AKAP13: variants seen among roughly 807,000 people sequenced by gnomAD.
AKAP13 encodes the protein A-kinase anchoring protein 13.
AKAP13 carries 80 observed loss-of-function variants against 264.5 expected under a neutral mutation model. That is an observed-to-expected ratio of 0.30 (90% CI 0.25 to 0.36). The LOEUF (loss-of-function observed/expected upper bound fraction) is 0.36. Among genes scored for constraint, AKAP13 ranks in the 10% least tolerant of loss-of-function variants. The pLI is 1.00. For missense variants in AKAP13, 3,712 were observed against 3,435.2 expected, an observed-to-expected ratio of 1.08 and a Z score of -2.01; for synonymous variants, 1,380 against 1,250.2, an observed-to-expected ratio of 1.10 and a Z score of -2.19.
intron 1 of AKAP13, among the ~76,000 whole-genome samples, chr15:85,466,713 A>G (rs571622482): frequency 2.6e-5 from 4 of 152,334 alleles, no homozygotes; most frequent in African/African-American, 9.6e-5. Context: ...ATGGGCACAC[A>G]GTACTTTTTA....
intron 1 of AKAP13, among the ~76,000 whole-genome samples, chr15:85,449,425 C>A (rs968084611): frequency 6.6e-6 from 1 of 152,148 alleles, no homozygotes; most frequent in African/African-American, 2.4e-5. Context: ...TTACTTCTTT[C>A]TCTTGCCTGA....
At chr15:85,681,715 A>G (rs2084609862) in intron 14 of AKAP13, among the ~76,000 whole-genome samples, 1 of 112,404 alleles carries the variant, frequency 8.9e-6, no homozygotes, top group Non-Finnish European at 2.2e-5. Flanking sequence ...TGAAAATATT[A>G]GAGATGAGCT....
intron 1 of AKAP13, among the ~76,000 whole-genome samples, chr15:85,440,860 G>A (rs2073614543): frequency 6.6e-6 from 1 of 152,172 alleles, no homozygotes; most frequent in South Asian, 2.1e-4. Context: ...ATGGCTTAGT[G>A]TGGTGGAAAT....
At chr15:85,590,459 G>GT (rs2151329153) in intron 8 of AKAP13, among the ~76,000 whole-genome samples, 1 of 152,224 alleles carries the variant, frequency 6.6e-6, no homozygotes, top group African/African-American at 2.4e-5. Context: ...TCCTTAACCT[G>GT]TTTGACACAT....
At chr15:85,508,165 T>G (rs889801095) in intron 2 of AKAP13, among the ~76,000 whole-genome samples, 1 of 149,982 alleles carries the variant, frequency 6.7e-6, no homozygotes, top group African/African-American at 2.5e-5. Context: ...TTTTTTGAGA[T>G]AGGGTCTCAC....
rs554297010 is a variant in AKAP13 at position 85,573,950 on chromosome 15, T to A, written c.663-1181T>A. On this transcript the variant is annotated intron_variant, in intron 5 of 36. Coordinates refer to ENST00000394518, the MANE Select transcript of AKAP13 (RefSeq NM_007200.5). Reference sequence around the variant, plus strand: ...TGTAGTTTTTTATGCACATTTTCTCTAATTCTCAAAACAGTGCTTAGATTA... The same window carrying A: ...TGTAGTTTTTTATGCACATTTTCTCAAATTCTCAAAACAGTGCTTAGATTA... Among the ~76,000 whole-genome samples the A allele has an allele frequency of 3.3e-5, 5 of 152,354 alleles. No homozygotes were observed. In the South Asian group the frequency reaches 6.2e-4, roughly 19 times the overall value.
At chr15:85,731,310 A>G (rs2088010043) in intron 30 of AKAP13, among the ~76,000 whole-genome samples, 1 of 152,102 alleles carries the variant, frequency 6.6e-6, no homozygotes, top group South Asian at 2.1e-4. Flanking sequence ...CCGGCCATTA[A>G]TCACTTACTT....
At chr15:85,641,937 T>A (rs2082327379) in intron 9 of AKAP13, among the ~76,000 whole-genome samples, 1 of 152,216 alleles carries the variant, frequency 6.6e-6, no homozygotes, top group African/African-American at 2.4e-5. Flanking sequence ...TTTGTTGGCA[T>A]ATATGTTGTT....
chr15:85,611,058 A>G (rs2080595297), intron 8 of AKAP13, among the ~76,000 whole-genome samples: 1 of 151,788 alleles, frequency 6.6e-6, no homozygotes, highest in Non-Finnish European at 1.5e-5. Context: ...TCATCAGTCT[A>G]CAACTACGCC....
At chr15:85,490,972 G>C (rs2075705889) in intron 2 of AKAP13, among the ~76,000 whole-genome samples, 1 of 152,216 alleles carries the variant, frequency 6.6e-6, no homozygotes, top group Non-Finnish European at 1.5e-5. Context: ...GAAGGAGCCA[G>C]CATGTGAAGC....
chr15:85,658,464 T>C (rs866713542), intron 11 of AKAP13, 73 bp from the exon 12 acceptor site: 5 of 1,296,834 alleles, frequency 3.9e-6, no homozygotes, highest in Middle Eastern at 3.7e-4. Context: ...CAGTGTGGTG[T>C]CTGTATGTTT....
intron 5 of AKAP13, among the ~76,000 whole-genome samples, chr15:85,566,211 T>C (rs1258019958): frequency 2.0e-5 from 3 of 152,266 alleles, no homozygotes; most frequent in African/African-American, 4.8e-5. Context: ...AATGCTGTTA[T>C]ACCATTTTAT....
chr15:85,433,648 G>T (rs1475610911), intron 1 of AKAP13, among the ~76,000 whole-genome samples: 1 of 152,062 alleles, frequency 6.6e-6, no homozygotes, highest in Non-Finnish European at 1.5e-5. Context: ...TGTAAGATTA[G>T]TATGGTTTCA....
chr15:85,698,430 A>G (rs1597099032), intron 17 of AKAP13, among the ~76,000 whole-genome samples: 1 of 130,838 alleles, frequency 7.6e-6, no homozygotes, highest in African/African-American at 3.0e-5. Flanking sequence ...GAGCCACTAC[A>G]CTCCAGTCTG....
At chr15:85,722,963 G>A (rs112172964) in intron 25 of AKAP13, 109 bp from the exon 26 acceptor site, 5 of 1,407,606 alleles carry the variant, frequency 3.6e-6, no homozygotes, top group African/African-American at 1.4e-5. Context: ...CCCTCTGATA[G>A]CATAGTCACA....
chr15:85,409,614 C>T, intron 1 of AKAP13, among the ~76,000 whole-genome samples: 1 of 149,368 alleles, frequency 6.7e-6, no homozygotes, highest in Non-Finnish European at 1.5e-5. Context: ...TTCTTTGATG[C>T]AGCTAGTAGT....
At chr15:85,498,199 G>GATAGATAT (rs1555435568) in intron 2 of AKAP13, among the ~76,000 whole-genome samples, 1 of 133,010 alleles carries the variant, frequency 7.5e-6, no homozygotes, top group African/African-American at 2.9e-5. Context: ...AATGAAGTGA[G>GATAGATAT]ATATATATAT....
intron 17 of AKAP13, among the ~76,000 whole-genome samples, chr15:85,695,958 C>T (rs1252659301): frequency 6.6e-6 from 1 of 152,182 alleles, no homozygotes; most frequent in African/African-American, 2.4e-5. Flanking sequence ...CTGGAATAAC[C>T]TGGTTGCCTA....
intron 19 of AKAP13, among the ~76,000 whole-genome samples, chr15:85,715,078 C>T (rs1188368520): frequency 1.3e-5 from 2 of 152,170 alleles, no homozygotes; most frequent in East Asian, 3.9e-4. Context: ...GGTAACCACT[C>T]TTCTTAGTTT....
Sources: gnomAD v4.1 joint callset for allele counts (sites outside exome capture counted in the v4.1 genomes callset) on GRCh38, gnomAD v4.1.1 for gene constraint, MANE v1.5 for transcripts, NCBI Gene and HGNC (gene_info 2026-07-23, HGNC 2026-07-21) for gene names.